MYCT1: variants seen among roughly 807,000 people sequenced by gnomAD.
MYCT1 encodes myc target protein 1.
MYCT1 carries 12 observed loss-of-function variants against 15.0 expected under a neutral mutation model. The observed-to-expected ratio is 0.80, with a 90% CI of 0.51 to 1.29. The LOEUF (loss-of-function observed/expected upper bound fraction) is 1.29, where lower values mean the gene tolerates loss of function less well. Ranked by LOEUF, MYCT1 falls within the 50% of genes most tolerant of loss-of-function variation. The pLI, the probability that MYCT1 is intolerant of heterozygous loss-of-function variation, is 0.00. For missense variants in MYCT1, 287 were observed against 279.1 expected, an observed-to-expected ratio of 1.03 and a Z score of -0.20; for synonymous variants, 104 against 102.7, an observed-to-expected ratio of 1.01 and a Z score of -0.07.
chr6:152,735,160 GT>G, the MYCT1 span, among the ~76,000 whole-genome samples: 1 of 152,136 alleles, frequency 6.6e-6, no homozygotes, highest in Non-Finnish European at 1.5e-5. Context: ...ATATCATCCA[GT>G]TTTTTTGTAA....
rs78790010 is a variant in MYCT1, at chr6:152,720,487, A to G, written c.197-1255A>G. ...TAATTTTCAGGCTATGGCTCTCTCA[A>G]TACAGACTACCTACATAAGCAATTA... is the stretch of plus-strand genomic sequence containing the variant. On this transcript the variant is annotated intron_variant, in intron 1 of 1. Coordinates refer to ENST00000367245, the MANE Select transcript of MYCT1 (RefSeq NM_025107.3). Among the ~76,000 whole-genome samples the G allele has an allele frequency of 5.2e-3, 798 of 152,196 alleles. 8 individuals are homozygous for G. The highest frequency in any genetic ancestry group is 0.018 in the African/African-American group (759 of 41,504).
At chr6:152,705,732 C>T (rs2099722148) in intron 1 of MYCT1, 1 of 267,996 alleles carries the variant, frequency 3.7e-6, no homozygotes. Context: ...ATAAAATTTT[C>T]CCCTTCTTTG....
chr6:152,728,629 C>T (rs1404504547), downstream of MYCT1, among the ~76,000 whole-genome samples: 2 of 152,112 alleles, frequency 1.3e-5, no homozygotes, highest in Non-Finnish European at 2.9e-5. Flanking sequence ...GGCGTGGTGG[C>T]TCATGCCTGT....
At chr6:152,728,837 T>G (rs554693194), downstream of MYCT1, among the ~76,000 whole-genome samples, 8 of 152,212 alleles carry the variant, frequency 5.3e-5, no homozygotes, top group African/African-American at 1.9e-4. Flanking sequence ...GCCCAGGGGG[T>G]TGAGGCTTCA....
At chr6:152,734,002 C>T in the MYCT1 span, among the ~76,000 whole-genome samples, 1 of 151,942 alleles carries the variant, frequency 6.6e-6, no homozygotes, top group Non-Finnish European at 1.5e-5. Context: ...AGTCTTGCCT[C>T]TTAAAGTCTA....
At chr6:152,746,376 T>A in the MYCT1 span, among the ~76,000 whole-genome samples, 1 of 152,180 alleles carries the variant, frequency 6.6e-6, no homozygotes, top group African/African-American at 2.4e-5. Flanking sequence ...ACAGCACAGA[T>A]ATGCTGGACA....
chr6:152,704,428 C>T (rs553726869), intron 1 of MYCT1, among the ~76,000 whole-genome samples: 4 of 152,234 alleles, frequency 2.6e-5, no homozygotes, highest in South Asian at 2.1e-4. Context: ...CTTGAAGTTA[C>T]GTAAATCTTC....
At chr6:152,703,098 C>T (rs1268414750) in intron 1 of MYCT1, among the ~76,000 whole-genome samples, 1 of 152,140 alleles carries the variant, frequency 6.6e-6, no homozygotes, top group Non-Finnish European at 1.5e-5. Context: ...CAAATTGGGA[C>T]GTTTTCCCTA....
intron 1 of MYCT1, among the ~76,000 whole-genome samples, chr6:152,703,077 G>A (rs2099721622): frequency 6.6e-6 from 1 of 152,166 alleles, no homozygotes; most frequent in Admixed American, 6.6e-5. Flanking sequence ...TGTTATGCAA[G>A]CCTTGTAAAA....
chr6:152,718,651 C>T lies in MYCT1; in HGVS notation c.197-3091C>T, dbSNP rs1054840096. On this transcript the variant is annotated intron_variant, in intron 1 of 1. Transcript: ENST00000367245. ...TTTGCTATTATTCCACTATAAATAA[C>T]ATTTATATTGGGAATATCTGATTTG... Among the ~76,000 whole-genome samples the T allele has an allele frequency of 5.3e-5, 8 of 152,090 alleles. No individual in the cohort carries two copies. In the South Asian group the frequency reaches 1.7e-3, roughly 32 times the overall value.
the MYCT1 span, among the ~76,000 whole-genome samples, chr6:152,735,336 G>A: frequency 6.6e-6 from 1 of 152,078 alleles, no homozygotes; most frequent in Non-Finnish European, 1.5e-5. Context: ...ATATTGGTTT[G>A]AATTGGTAGA....
At chr6:152,698,412 A>G (rs965707480) in intron 1 of MYCT1, among the ~76,000 whole-genome samples, 2 of 152,082 alleles carry the variant, frequency 1.3e-5, no homozygotes, top group African/African-American at 2.4e-5. Flanking sequence ...GGATAAAAAT[A>G]AAAAACATAA....
chr6:152,744,952 G>A, the MYCT1 span, among the ~76,000 whole-genome samples: 1 of 152,278 alleles, frequency 6.6e-6, no homozygotes, highest in South Asian at 2.1e-4. Context: ...TTTAGCTTTA[G>A]GGCCAAGGAA....
At chr6:152,737,951 T>C in the MYCT1 span, among the ~76,000 whole-genome samples, 78 of 152,234 alleles carry the variant, frequency 5.1e-4, no homozygotes, top group African/African-American at 1.7e-3. Flanking sequence ...TTTGCACCAG[T>C]TGACATAGCA....
In MYCT1 at chr6:152,723,624, T is replaced by A. The variant is rs777214481; in HGVS notation, c.*1371T>A. The A allele has an allele frequency of 1.1e-4, 16 of 152,228 alleles. No homozygotes were observed. Among genetic ancestry groups the A allele is most frequent in the Non-Finnish European group, 1.8e-4 (12 of 68,050 alleles). 9.4% of individuals were successfully genotyped at this position (152,228 alleles called of 1,614,324 possible). On this transcript the variant is annotated 3_prime_UTR_variant, in exon 2 of 2. Transcript: ENST00000367245. ...CTTCTCTGCAGAGTCTGTACAGTGA[T>A]TAAGCCATGCCAGATGGTCTTTGGT...
chr6:152,729,075 T>C (rs2099726132), downstream of MYCT1, among the ~76,000 whole-genome samples: 1 of 152,170 alleles, frequency 6.6e-6, no homozygotes, highest in Admixed American at 6.5e-5. Context: ...AAAACTGTCA[T>C]CTCTCTGAAT....
intron 1 of MYCT1, among the ~76,000 whole-genome samples, chr6:152,703,608 T>C (rs1371688247): frequency 1.3e-5 from 2 of 152,166 alleles, no homozygotes; most frequent in Non-Finnish European, 2.9e-5. Flanking sequence ...TTGCAACTCT[T>C]TTCCCTTTAA....
intron 1 of MYCT1, among the ~76,000 whole-genome samples, chr6:152,705,172 T>C (rs934653884): frequency 2.0e-5 from 3 of 152,182 alleles, no homozygotes; most frequent in Non-Finnish European, 4.4e-5. Flanking sequence ...TGAAACTGTA[T>C]TTACTAGAGC....
intron 1 of MYCT1, among the ~76,000 whole-genome samples, chr6:152,705,176 C>G (rs2099722048): frequency 6.6e-6 from 1 of 152,146 alleles, no homozygotes; most frequent in African/African-American, 2.4e-5. Context: ...ACTGTATTTA[C>G]TAGAGCTAAG....
Sources: allele counts gnomAD v4.1 joint callset (sites outside exome capture counted in the v4.1 genomes callset), GRCh38; gene constraint gnomAD v4.1.1; transcripts MANE v1.5; gene names NCBI Gene and HGNC (gene_info 2026-07-23, HGNC 2026-07-21).